SLCO1A2: variants seen among roughly 807,000 people sequenced by gnomAD.
The protein encoded by SLCO1A2 is solute carrier organic anion transporter family member 1A2, also known as OATP-1.
In SLCO1A2, 67 loss-of-function variants were observed where a neutral mutation model predicts 69.0. That is an observed-to-expected ratio of 0.97 (90% CI 0.80 to 1.19). SLCO1A2 has a LOEUF of 1.19. SLCO1A2 is among the 50% of genes most tolerant of loss of function. SLCO1A2 has a pLI of 0.00. For missense variants in SLCO1A2, 787 were observed against 793.7 expected (o/e 0.99, Z 0.10); for synonymous variants, 260 against 265.9 (o/e 0.98, Z 0.22).
chr12:21,292,929 C>T (rs1042059844), intron 11 of SLCO1A2, among the ~76,000 whole-genome samples: 1 of 152,178 alleles, frequency 6.6e-6, no homozygotes, highest in Non-Finnish European at 1.5e-5. Context: ...TGATACAACA[C>T]TACATTGGAC....
chr12:21,418,035 C>A (rs1427373158), upstream of SLCO1A2: 1 of 152,130 alleles, frequency 6.6e-6, no homozygotes, highest in Non-Finnish European at 1.5e-5. Flanking sequence ...ATATCCTCAT[C>A]CCCACACCTG....
chr12:21,373,671 G>T (rs1377330495), intron 2 of SLCO1A2: 1 of 701,436 alleles, frequency 1.4e-6, no homozygotes, highest in Non-Finnish European at 2.6e-6. Context: ...GTTTTGTCAA[G>T]AAATATACTC....
intron 11 of SLCO1A2, 64 bp downstream of exon 11, chr12:21,293,881 C>T (rs761124678): frequency 2.4e-4 from 324 of 1,358,676 alleles, no homozygotes; most frequent in Middle Eastern, 1.9e-3. Context: ...TAAATATAGG[C>T]CCAGTTCATA....
exon 1 of SLCO1A2, chr12:21,417,930 C>T (rs1942013770): frequency 6.6e-6 from 1 of 152,194 alleles, no homozygotes; most frequent in Admixed American, 6.5e-5. Flanking sequence ...GACTTTCCCA[C>T]TAAAGAACAC....
At chr12:21,299,746 A>T (rs1948299614) in intron 8 of SLCO1A2, among the ~76,000 whole-genome samples, 1 of 145,320 alleles carries the variant, frequency 6.9e-6, no homozygotes, top group African/African-American at 2.5e-5. Flanking sequence ...TTTTTTGAGC[A>T]AATGGGACCA....
At chr12:21,372,983 G>T in intron 2 of SLCO1A2, 1 of 254,086 alleles carries the variant, frequency 3.9e-6, no homozygotes, top group Non-Finnish European at 7.6e-6. Context: ...TGCTGATATT[G>T]CTGACATTGA....
At chr12:21,352,306 C>T (rs1938026113) in intron 2 of SLCO1A2, among the ~76,000 whole-genome samples, 2 of 152,068 alleles carry the variant, frequency 1.3e-5, no homozygotes, top group South Asian at 4.1e-4. Flanking sequence ...AGGTTTGAGC[C>T]ATTAAAAGCC....
upstream of SLCO1A2, among the ~76,000 whole-genome samples, chr12:21,397,624 T>C (rs929199868): frequency 6.6e-6 from 1 of 151,828 alleles, no homozygotes; most frequent in Non-Finnish European, 1.5e-5. Context: ...TACTGGGAAG[T>C]AAAGCTCTCC....
intron 1 of SLCO1A2, among the ~76,000 whole-genome samples, chr12:21,389,390 A>T (rs1941045530): frequency 6.6e-6 from 1 of 152,090 alleles, no homozygotes; most frequent in South Asian, 2.1e-4. Flanking sequence ...TATGGTCAAA[A>T]TGTTATGCAG....
chr12:21,299,793 C>CACGTATATATATATATATATAT (rs1456572665), intron 8 of SLCO1A2, among the ~76,000 whole-genome samples: 20 of 113,664 alleles, frequency 1.8e-4, no homozygotes, highest in Non-Finnish European at 2.7e-4. Context: ...TATATATACA[C>CACGTATATATATATATATATAT]ACACACGTAT....
At chr12:21,418,087 A>G (rs1298924350), upstream of SLCO1A2, 1 of 152,196 alleles carries the variant, frequency 6.6e-6, no homozygotes, top group Non-Finnish European at 1.5e-5. Context: ...ACAAAAGAGC[A>G]ATACTAGGAT....
intron 6 of SLCO1A2, among the ~76,000 whole-genome samples, 169 bp downstream of exon 6, chr12:21,304,258 C>T (rs1301625701): frequency 6.6e-6 from 1 of 152,142 alleles, no homozygotes; most frequent in Non-Finnish European, 1.5e-5. Context: ...AGCTCATTGT[C>T]ATTTAGCATA....
At chr12:21,278,295 A>G (rs1944234090) in intron 12 of SLCO1A2, among the ~76,000 whole-genome samples, 1 of 152,110 alleles carries the variant, frequency 6.6e-6, no homozygotes, top group Non-Finnish European at 1.5e-5. Flanking sequence ...GCATCTCTGG[A>G]CCTTCCTGGG....
chr12:21,392,441 A>G (rs1490811677), intron 1 of SLCO1A2, among the ~76,000 whole-genome samples: 1 of 152,188 alleles, frequency 6.6e-6, no homozygotes, highest in Non-Finnish European at 1.5e-5. Context: ...ATTGGACACC[A>G]GTCCCCTGTG....
chr12:21,394,956 AC>A (rs1215167569), exon 1 of SLCO1A2: 1 of 152,246 alleles, frequency 6.6e-6, no homozygotes, highest in Non-Finnish European at 1.5e-5. Flanking sequence ...TTCACAAAGC[AC>A]CGTAAGTGTG....
intron 12 of SLCO1A2, among the ~76,000 whole-genome samples, chr12:21,287,832 A>G (rs1946167655): frequency 1.0e-5 from 1 of 100,406 alleles, no homozygotes; most frequent in Non-Finnish European, 1.9e-5. Context: ...GGACACAGGA[A>G]GGGGAATATC....
At chr12:21,390,323 G>A (rs550883967) in intron 1 of SLCO1A2, among the ~76,000 whole-genome samples, 4 of 152,052 alleles carry the variant, frequency 2.6e-5, no homozygotes, top group South Asian at 2.1e-4. Flanking sequence ...TTTACTCAAC[G>A]AACATTGTCA....
At chr12:21,311,428 A>G (rs1950132721) in intron 4 of SLCO1A2, among the ~76,000 whole-genome samples, 2 of 152,068 alleles carry the variant, frequency 1.3e-5, no homozygotes, top group East Asian at 1.9e-4. Flanking sequence ...ACTATTTATA[A>G]CAGCAATATC....
rs1012333595 is a variant in SLCO1A2 at position 21,269,873 on chromosome 12, G to T, written c.1794-106C>A. 1.3e-5 allele frequency: 10 copies of T among 747,536 alleles called. 1 individual carries two copies. Among genetic ancestry groups the T allele is most frequent in the African/African-American group, 1.3e-4 (7 of 55,310 alleles). The allele number at this position is 747,536 out of a possible 1,614,324, so 46.3% of individuals were successfully genotyped here. On this transcript the variant is annotated intron_variant, in intron 14 of 14. Coordinates refer to ENST00000683939, the MANE Select transcript of SLCO1A2 (RefSeq NM_001386879.1). ...ATTCTGATAAAAACAGCAGCTGATGGTTTTGCATGCTGATCTTATATAAGC... is the reference window on the plus strand; with the variant it reads ...ATTCTGATAAAAACAGCAGCTGATGTTTTTGCATGCTGATCTTATATAAGC...
Sources: gnomAD v4.1 joint callset for allele counts (sites outside exome capture counted in the v4.1 genomes callset) on GRCh38, gnomAD v4.1.1 for gene constraint, MANE v1.5 for transcripts, NCBI Gene and HGNC (gene_info 2026-07-23, HGNC 2026-07-21) for gene names.